PEAK1: variants seen among roughly 807,000 people sequenced by gnomAD.
PEAK1 encodes inactive tyrosine-protein kinase PEAK1.
In PEAK1, 54 loss-of-function variants were observed where a neutral mutation model predicts 124.7. The observed-to-expected ratio is 0.43, with a 90% CI of 0.35 to 0.54. The LOEUF is 0.54. Ranked by LOEUF, PEAK1 falls within the 20% of genes least tolerant of loss-of-function variation. PEAK1 has a pLI of 0.01. For synonymous variants in PEAK1, 719 were observed against 760.0 expected, an observed-to-expected ratio of 0.95 and a Z score of 0.89; for missense variants, 2,046 against 2,134.5, an observed-to-expected ratio of 0.96 and a Z score of 0.82.
chr15:77,180,258 G>A lies in PEAK1; in HGVS notation c.1669C>T (p.Pro557Ser), dbSNP rs1200723849. Residue 557 changes from proline (P) to serine (S), a missense_variant, in exon 7 of 10, where the codon CCA becomes TCA. Physicochemically the swap from Pro to Ser is moderately conservative, Grantham distance 74. Coordinates refer to ENST00000682557, the MANE Select transcript of PEAK1 (RefSeq NM_001385026.1). ...KVELITSGTGPNVPPRKNCHK... is the reference protein window; with the variant it reads ...KVELITSGTGSNVPPRKNCHK... The stretch of plus-strand genomic sequence containing the variant: ...CAGTTTTTCCTTGGAGGAACATTTG[G>A]TCCAGTTCCACTAGTAATTAGTTCT... The A allele has an allele frequency of 7.4e-6, 12 of 1,614,050 alleles. No homozygotes were observed. Among genetic ancestry groups the A allele is most frequent in the Non-Finnish European group, 9.3e-6 (11 of 1,180,036 alleles).
intron 5 of PEAK1, chr15:77,255,378 A>G: frequency 2.0e-6 from 2 of 983,664 alleles, no homozygotes; most frequent in Non-Finnish European, 2.4e-6. Flanking sequence ...TGCCGGTACC[A>G]ATCCTTATTT....
At chr15:77,362,252 G>A (rs1263868395) in intron 2 of PEAK1, among the ~76,000 whole-genome samples, 1 of 151,948 alleles carries the variant, frequency 6.6e-6, no homozygotes, top group Non-Finnish European at 1.5e-5. Flanking sequence ...TGTCTGAGAT[G>A]ATGGATATGT....
intron 6 of PEAK1, among the ~76,000 whole-genome samples, chr15:77,247,485 C>CTTTTTTTTTTTTTTT (rs398028029): frequency 1.5e-4 from 13 of 84,296 alleles, no homozygotes; most frequent in Admixed American, 3.6e-4. Context: ...CTTTTCTTTT[C>CTTTTTTTTTTTTTTT]TTTTTTTTTT....
chr15:77,320,073 T>G (rs547344393), intron 2 of PEAK1, among the ~76,000 whole-genome samples: 1 of 152,190 alleles, frequency 6.6e-6, no homozygotes, highest in Non-Finnish European at 1.5e-5. Flanking sequence ...ATATATGATG[T>G]AGAAGTAAAG....
intron 1 of PEAK1, among the ~76,000 whole-genome samples, chr15:77,365,461 G>C (rs1368608632): frequency 6.6e-6 from 1 of 152,130 alleles, no homozygotes; most frequent in Non-Finnish European, 1.5e-5. Context: ...AAACAGGCCG[G>C]GCACGGCGGC....
intron 6 of PEAK1, among the ~76,000 whole-genome samples, chr15:77,240,201 A>C (rs1256398378): frequency 6.6e-6 from 1 of 152,264 alleles, no homozygotes; most frequent in East Asian, 1.9e-4. Context: ...CCACTTGGCA[A>C]AACAACTTCT....
intron 1 of PEAK1, among the ~76,000 whole-genome samples, chr15:77,413,993 T>A (rs2072625079): frequency 6.6e-6 from 1 of 151,788 alleles, no homozygotes; most frequent in Non-Finnish European, 1.5e-5. Flanking sequence ...CCGGCTAATT[T>A]ATTATAGTTT....
At chr15:77,257,235 T>C (rs2152932217) in intron 5 of PEAK1, among the ~76,000 whole-genome samples, 1 of 152,050 alleles carries the variant, frequency 6.6e-6, no homozygotes, top group South Asian at 2.1e-4. Flanking sequence ...CCTTTGGGTA[T>C]ATACCCAGTA....
At chr15:77,231,792 TTA>T (rs1356956277) in intron 6 of PEAK1, among the ~76,000 whole-genome samples, 9 of 152,134 alleles carry the variant, frequency 5.9e-5, no homozygotes, top group Non-Finnish European at 8.8e-5. Context: ...AAAGCTAAAT[TTA>T]TATGAGAATA....
intron 5 of PEAK1, among the ~76,000 whole-genome samples, chr15:77,271,234 C>T (rs2062013650): frequency 1.3e-5 from 2 of 152,170 alleles, no homozygotes; most frequent in Admixed American, 1.3e-4. Context: ...CAATGAGATA[C>T]CATCTCACAG....
At chr15:77,314,827 G>A (rs1337810051) in intron 2 of PEAK1, among the ~76,000 whole-genome samples, 1 of 152,054 alleles carries the variant, frequency 6.6e-6, no homozygotes, top group African/African-American at 2.4e-5. Flanking sequence ...TTTGCTTTCC[G>A]TAGTTTCATG....
chr15:77,305,893 A>C (rs1421164220), intron 2 of PEAK1, among the ~76,000 whole-genome samples: 1 of 152,018 alleles, frequency 6.6e-6, no homozygotes, highest in Admixed American at 6.6e-5. Flanking sequence ...TTTTATTTTC[A>C]AATATTTTTA....
At chr15:77,278,303 A>G (rs2062448469) in intron 5 of PEAK1, among the ~76,000 whole-genome samples, 1 of 152,210 alleles carries the variant, frequency 6.6e-6, no homozygotes, top group African/African-American at 2.4e-5. Flanking sequence ...TACACACAAC[A>G]TATGAATTTC....
In PEAK1 at chr15:77,110,284, A is replaced by G. The variant is rs1596203462; in HGVS notation, c.*3872T>C. On this transcript the variant is annotated 3_prime_UTR_variant, in exon 10 of 10. Transcript: ENST00000682557. ...ATTTTTGTATTTTTAGTAGAGATGGAGTTTCACCATGTTGGCCAGGCTGGT... is the reference window on the plus strand; with the variant it reads ...ATTTTTGTATTTTTAGTAGAGATGGGGTTTCACCATGTTGGCCAGGCTGGT... The G allele has an allele frequency of 1.3e-5, 2 of 152,114 alleles. No homozygotes were observed. Among genetic ancestry groups the G allele is most frequent in the Non-Finnish European group, 2.9e-5 (2 of 68,040 alleles). The allele number at this position is 152,114 out of a possible 1,614,324, so 9.4% of individuals were successfully genotyped here. A position where few individuals can be genotyped will look rare whatever the true frequency, so the allele number is the denominator to read the frequency against.
intron 8 of PEAK1, among the ~76,000 whole-genome samples, chr15:77,143,925 A>G (rs1321427887): frequency 1.3e-5 from 2 of 152,240 alleles, no homozygotes; most frequent in African/African-American, 2.4e-5. Context: ...ACATGAACCT[A>G]TTCTTACCTA....
At chr15:77,289,668 T>C (rs1330269580) in intron 2 of PEAK1, among the ~76,000 whole-genome samples, 2 of 152,090 alleles carry the variant, frequency 1.3e-5, no homozygotes, top group Non-Finnish European at 2.9e-5. Flanking sequence ...AAATCCCATC[T>C]CTACTAAAAA....
chr15:77,106,359 C>CT (rs1398285075), downstream of PEAK1: 6 of 151,762 alleles, frequency 4.0e-5, no homozygotes, highest in African/African-American at 1.2e-4. Context: ...ACATAAGTGA[C>CT]TATTTATTTA....
upstream of PEAK1, chr15:77,420,205 C>T (rs1392152653): frequency 6.6e-6 from 1 of 150,610 alleles, no homozygotes; most frequent in East Asian, 2.0e-4. Context: ...CCTCTCGGCC[C>T]CGCGCGCCGC....
intron 6 of PEAK1, among the ~76,000 whole-genome samples, chr15:77,195,585 C>A (rs1220013186): frequency 1.3e-5 from 2 of 152,152 alleles, no homozygotes; most frequent in Non-Finnish European, 2.9e-5. Context: ...TTCTTTTGTT[C>A]TAATTGACTT....
Sources: gnomAD v4.1 joint callset for allele counts (sites outside exome capture counted in the v4.1 genomes callset) on GRCh38, gnomAD v4.1.1 for gene constraint, MANE v1.5 for transcripts, NCBI Gene and HGNC (gene_info 2026-07-23, HGNC 2026-07-21) for gene names.